SVOPL: variants seen among roughly 807,000 people sequenced by gnomAD.
SVOPL encodes putative transporter SVOPL.
SVOPL carries 60 observed loss-of-function variants against 61.0 expected under a neutral mutation model. The observed-to-expected ratio is 0.98, with a 90% CI of 0.80 to 1.22. The LOEUF is 1.22. Among genes scored for constraint, SVOPL ranks in the 50% most tolerant of loss-of-function variants. SVOPL has a pLI of 0.00. For missense variants in SVOPL, 662 were observed against 643.9 expected (o/e 1.03, Z -0.30); for synonymous variants, 279 against 250.0 (o/e 1.12, Z -1.09).
chr7:138,621,861 T>G (rs1799592691), intron 13 of SVOPL, among the ~76,000 whole-genome samples: 5 of 109,422 alleles, frequency 4.6e-5, no homozygotes, highest in African/African-American at 1.6e-4. Context: ...TATCTATCTA[T>G]CTATCTATCT....
At chr7:138,694,805 C>G (rs751124234) in intron 1 of SVOPL, among the ~76,000 whole-genome samples, 1 of 152,130 alleles carries the variant, frequency 6.6e-6, no homozygotes, top group East Asian at 1.9e-4. Flanking sequence ...GTGCAATGGT[C>G]TTGGCTCACT....
At chr7:138,649,987 A>G (rs1801338183) in intron 7 of SVOPL, among the ~76,000 whole-genome samples, 1 of 151,858 alleles carries the variant, frequency 6.6e-6, no homozygotes, top group Admixed American at 6.6e-5. Context: ...GCGTGCCACC[A>G]CACCCAGCTA....
At chr7:138,663,387 G>C (rs1050261684) in intron 4 of SVOPL, 1 of 1,382,932 alleles carries the variant, frequency 7.2e-7, no homozygotes, top group African/African-American at 1.5e-5. Flanking sequence ...GTCCTCTGCC[G>C]CCCGCTTGTT....
chr7:138,666,098 T>A (rs1188968604), intron 4 of SVOPL, among the ~76,000 whole-genome samples: 1 of 152,264 alleles, frequency 6.6e-6, no homozygotes, highest in Admixed American at 6.5e-5. Context: ...CCGTTGTTAC[T>A]GATCCTTGTA....
At chr7:138,610,233 CCTTT>C (rs1798938158) in intron 14 of SVOPL, among the ~76,000 whole-genome samples, 1 of 151,988 alleles carries the variant, frequency 6.6e-6, no homozygotes, top group Admixed American at 6.6e-5. Context: ...TTCCTTCCTT[CCTTT>C]TCTTTTCTTT....
chr7:138,597,332 A>G, intron 14 of SVOPL: 3 of 835,558 alleles, frequency 3.6e-6, no homozygotes, highest in Non-Finnish European at 4.9e-6. Flanking sequence ...TTTACAGATG[A>G]GCCTAGACTA....
At chr7:138,630,187 T>C in intron 9 of SVOPL, 65 bp from the exon 10 acceptor site, 3 of 1,348,662 alleles carry the variant, frequency 2.2e-6, no homozygotes, top group Non-Finnish European at 2.1e-6. Context: ...ATGTTTCCAC[T>C]GTTTTCGATC....
At chr7:138,605,445 C>T (rs1159172211) in intron 14 of SVOPL, among the ~76,000 whole-genome samples, 1 of 151,904 alleles carries the variant, frequency 6.6e-6, no homozygotes, top group African/African-American at 2.4e-5. Flanking sequence ...ATGGATCACC[C>T]AAGGTCAGGA....
At chr7:138,654,226 ATAGT>A (rs1801589601) in intron 7 of SVOPL, among the ~76,000 whole-genome samples, 1 of 152,118 alleles carries the variant, frequency 6.6e-6, no homozygotes, top group South Asian at 2.1e-4. Context: ...TAGAGTGACT[ATAGT>A]TAATATTAAT....
chr7:138,596,307 T>C, intron 15 of SVOPL, 110 bp downstream of exon 15: 1 of 884,710 alleles, frequency 1.1e-6, no homozygotes, highest in African/African-American at 1.7e-5. Flanking sequence ...GAAAGAAATC[T>C]GATATGAATT....
chr7:138,622,010 C>CTATCTATCTATG lies in SVOPL; in HGVS notation c.1264-876_1264-875insCATAGATAGATA, dbSNP rs1563095911. 2.8e-4 allele frequency among the ~76,000 whole-genome samples: 13 copies of CTATCTATCTATG among 46,264 alleles called. 2 individuals are homozygous for CTATCTATCTATG. The South Asian group carries it at 3.0e-3, about 11-fold the overall frequency. 30.4% of individuals were successfully genotyped at this position (46,264 alleles called of 152,430 possible). A position where few individuals can be genotyped will look rare whatever the true frequency, so the allele number is the denominator to read the frequency against. Reference sequence around the variant, plus strand: ...TCTATGTATCTATCTATCTATGTATCTATCTATGTATCTATCTATCTATCT... The same window carrying CTATCTATCTATG: ...TCTATGTATCTATCTATCTATGTATCTATCTATCTATGTATCTATGTATCTATCTATCTATCT... On this transcript the variant is annotated intron_variant, in intron 13 of 15. Coordinates refer to ENST00000674285, the MANE Select transcript of SVOPL (RefSeq NM_001139456.2).
At chr7:138,661,961 C>G (rs1481716455) in intron 5 of SVOPL, 1 of 985,354 alleles carries the variant, frequency 1.0e-6, no homozygotes, top group Non-Finnish European at 1.2e-6. Flanking sequence ...CCAATAGGCT[C>G]CTCTTGAACT....
At chr7:138,643,922 T>C (rs1800962312) in intron 9 of SVOPL, among the ~76,000 whole-genome samples, 1 of 151,896 alleles carries the variant, frequency 6.6e-6, no homozygotes, top group Non-Finnish European at 1.5e-5. Context: ...GTTATGTATA[T>C]TTTACCACAA....
intron 14 of SVOPL, among the ~76,000 whole-genome samples, chr7:138,600,674 T>C (rs948703014): frequency 1.3e-5 from 2 of 152,182 alleles, no homozygotes; most frequent in South Asian, 4.2e-4. Context: ...AATGTGTTTA[T>C]AGACCTGAAT....
At chr7:138,622,092 A>T (rs1178509254) in intron 13 of SVOPL, among the ~76,000 whole-genome samples, 1 of 111,458 alleles carries the variant, frequency 9.0e-6, no homozygotes, top group Non-Finnish European at 2.0e-5. Context: ...CTATCTATGT[A>T]TCTATCTATC....
At chr7:138,613,802 G>A (rs1006715482) in intron 14 of SVOPL, among the ~76,000 whole-genome samples, 27 of 152,060 alleles carry the variant, frequency 1.8e-4, no homozygotes, top group African/African-American at 5.6e-4. Context: ...TCAACAACAG[G>A]TTCTCAAAAA....
At chr7:138,610,646 T>C (rs982284873) in intron 14 of SVOPL, among the ~76,000 whole-genome samples, 18 of 152,358 alleles carry the variant, frequency 1.2e-4, no homozygotes, top group Non-Finnish European at 1.9e-4. Flanking sequence ...GACCGAACCC[T>C]AGCCCAGCTC....
chr7:138,601,191 G>A (rs1207022355), intron 14 of SVOPL, among the ~76,000 whole-genome samples: 1 of 149,118 alleles, frequency 6.7e-6, no homozygotes, highest in Non-Finnish European at 1.5e-5. Context: ...GGCGGAGCTT[G>A]CAGTGAGCCA....
At chr7:138,674,805 G>A (rs756399628) in intron 3 of SVOPL, among the ~76,000 whole-genome samples, 3 of 150,804 alleles carry the variant, frequency 2.0e-5, no homozygotes, top group Non-Finnish European at 4.4e-5. Flanking sequence ...GCAGTGAGCC[G>A]AGATCACGCC....
Sources: gnomAD v4.1 joint callset for allele counts (sites outside exome capture counted in the v4.1 genomes callset) on GRCh38, gnomAD v4.1.1 for gene constraint, MANE v1.5 for transcripts, NCBI Gene and HGNC (gene_info 2026-07-23, HGNC 2026-07-21) for gene names.